IKZF5: variants seen among roughly 807,000 people sequenced by gnomAD.
The protein encoded by IKZF5 is IKAROS family zinc finger 5.
A neutral mutation model predicts 30.7 loss-of-function variants in IKZF5; 4 were observed. The observed-to-expected ratio is 0.13, with a 90% confidence interval of 0.06 to 0.30. The LOEUF (loss-of-function observed/expected upper bound fraction) is 0.30, where lower values mean the gene tolerates loss of function less well. IKZF5 is among the 10% of genes least tolerant of loss of function. The pLI is 1.00. For synonymous variants in IKZF5, 148 were observed against 179.6 expected (o/e 0.82, Z 1.41); for missense variants, 348 against 525.5 (o/e 0.66, Z 3.30).
chr10:123,000,921 G>A (rs565294158), intron 2 of IKZF5, among the ~76,000 whole-genome samples: 2 of 151,968 alleles, frequency 1.3e-5, no homozygotes, highest in Non-Finnish European at 2.9e-5. Context: ...TTCTAATATG[G>A]AAGAATGCTT....
At chr10:122,998,912 GA>G (rs1849486739) in intron 2 of IKZF5, among the ~76,000 whole-genome samples, 1 of 151,846 alleles carries the variant, frequency 6.6e-6, no homozygotes, top group Admixed American at 6.6e-5. Context: ...TTCAAAGGCA[GA>G]AAAAAAGAGA....
chr10:122,993,524 C>A lies in IKZF5; in HGVS notation c.*256G>T. On this transcript the variant is annotated 3_prime_UTR_variant, in exon 5 of 5. Transcript: ENST00000368886. ...TGAACATCTTGTAAGATTATGACTGCACTCCAATTCTCCAATGTCGAAAGG... is the reference window on the plus strand; with the variant it reads ...TGAACATCTTGTAAGATTATGACTGAACTCCAATTCTCCAATGTCGAAAGG... The A allele has an allele frequency of 3.5e-6, 1 of 286,072 alleles. No homozygotes were observed. Among genetic ancestry groups the A allele is most frequent in the Non-Finnish European group, 6.5e-6 (1 of 154,504 alleles). The allele number at this position is 286,072 out of a possible 1,614,324, so 17.7% of individuals were successfully genotyped here. A position where few individuals can be genotyped will look rare whatever the true frequency, so the allele number is the denominator to read the frequency against.
At chr10:123,004,398 G>A (rs1849707978) in intron 2 of IKZF5, among the ~76,000 whole-genome samples, 1 of 117,538 alleles carries the variant, frequency 8.5e-6, no homozygotes, top group African/African-American at 2.6e-5. Flanking sequence ...CGTTGCTACA[G>A]TACAACGTGA....
intron 2 of IKZF5, among the ~76,000 whole-genome samples, chr10:123,004,491 C>T (rs1466367726): frequency 6.6e-6 from 1 of 151,990 alleles, no homozygotes; most frequent in African/African-American, 2.4e-5. Flanking sequence ...AGTTTAAGAA[C>T]ACAAATGAGC....
rs562777033 is a variant in IKZF5, at chr10:122,996,800, G to A, written c.134-624C>T. On this transcript the variant is annotated intron_variant, in intron 3 of 4. Coordinates refer to ENST00000368886, the MANE Select transcript of IKZF5 (RefSeq NM_001372123.1). Reference sequence around the variant, plus strand: ...AGGTGAGGAGGGAGGGGAATAAAGAGATTCACTGGAGAGTGATGGCACAGT... The same window carrying A: ...AGGTGAGGAGGGAGGGGAATAAAGAAATTCACTGGAGAGTGATGGCACAGT... Among the ~76,000 whole-genome samples the A allele has an allele frequency of 2.0e-5, 3 of 152,326 alleles. No homozygotes were observed. In the South Asian group the frequency reaches 6.2e-4, roughly 32 times the overall value.
Position 122,993,655 on chromosome 10 carries a change from T to C in IKZF5, c.*125A>G, listed in dbSNP as rs1408752576. The stretch of plus-strand genomic sequence containing the variant: ...AAATTTTATTCCACTGACAAATTTA[T>C]ATTCTATAAATATAATGTATAAGCC... On this transcript the variant is annotated 3_prime_UTR_variant, in exon 5 of 5. Transcript: ENST00000368886. 1 of 566,172 alleles carries C rather than the reference T, an allele frequency of 1.8e-6. No individual in the cohort carries two copies. Among genetic ancestry groups the C allele is most frequent in the Non-Finnish European group, 3.0e-6 (1 of 338,800 alleles). The allele number at this position is 566,172 out of a possible 1,614,324, so 35.1% of individuals were successfully genotyped here.
Position 123,007,009 on chromosome 10 carries a change from A to T in IKZF5, c.-47+17T>A, listed in dbSNP as rs1365589363. On this transcript the variant is annotated intron_variant, in intron 2 of 4. Coordinates refer to ENST00000368886, the MANE Select transcript of IKZF5 (RefSeq NM_001372123.1). ...CCATGTTGAAAGAAATCCAGAAGAG[A>T]AATTATACAATCTAACCTTTTCACC... The T allele has an allele frequency of 1.3e-5, 2 of 152,236 alleles. No homozygotes were observed. The highest frequency in any genetic ancestry group is 3.8e-4 in the East Asian group (2 of 5,208). 9.4% of individuals were successfully genotyped at this position (152,236 alleles called of 1,614,324 possible).
chr10:122,998,394 A>G (rs937079693), intron 3 of IKZF5, 99 bp downstream of exon 3: 1 of 1,008,866 alleles, frequency 9.9e-7, no homozygotes, highest in African/African-American at 1.6e-5. Flanking sequence ...AAACAGAATG[A>G]TTCACATTAA....
chr10:122,999,207 G>A (rs1270106210), intron 2 of IKZF5, among the ~76,000 whole-genome samples: 1 of 152,168 alleles, frequency 6.6e-6, no homozygotes, highest in Non-Finnish European at 1.5e-5. Context: ...TGATGGACAT[G>A]TTTCTTATCT....
intron 2 of IKZF5, among the ~76,000 whole-genome samples, chr10:123,000,188 C>T (rs2133401306): frequency 6.6e-6 from 1 of 152,276 alleles, no homozygotes; most frequent in South Asian, 2.1e-4. Context: ...CAGAAGGATG[C>T]CGGCATCCCA....
In IKZF5 at chr10:122,991,572, C is replaced by T. The variant is rs992949304; in HGVS notation, c.*2208G>A. 1 of 152,060 alleles carries T rather than the reference C, an allele frequency of 6.6e-6. No homozygotes were observed. The highest frequency in any genetic ancestry group is 2.4e-5 in the African/African-American group (1 of 41,414). The allele number at this position is 152,060 out of a possible 1,614,324, so 9.4% of individuals were successfully genotyped here. On this transcript the variant is annotated 3_prime_UTR_variant, in exon 5 of 5. Coordinates refer to ENST00000368886, the MANE Select transcript of IKZF5 (RefSeq NM_001372123.1). ...ACATCTTTTCAAATACAGAATAACT[C>T]ACAGGAAATTTAAATAAAATCTAAA... is the stretch of plus-strand genomic sequence containing the variant.
At position 122,992,451 on chromosome 10, in the gene IKZF5, A is replaced by G. The variant is rs1017134028; in HGVS notation, c.*1329T>C. ...TACACAGAAAAGAAACCAAGTTAGTAACAATGTATTTTATTGTTTGACCAA... is the reference window on the plus strand; with the variant it reads ...TACACAGAAAAGAAACCAAGTTAGTGACAATGTATTTTATTGTTTGACCAA... On this transcript the variant is annotated 3_prime_UTR_variant, in exon 5 of 5. Coordinates refer to ENST00000368886, the MANE Select transcript of IKZF5 (RefSeq NM_001372123.1). 5.9e-5 allele frequency: 9 copies of G among 152,356 alleles called. No homozygotes were observed. Among genetic ancestry groups the G allele is most frequent in the African/African-American group, 2.2e-4 (9 of 41,600 alleles). The allele number at this position is 152,356 out of a possible 1,614,324, so 9.4% of individuals were successfully genotyped here. A position where few individuals can be genotyped will look rare whatever the true frequency, so the allele number is the denominator to read the frequency against.
chr10:122,995,374 T>C (rs565143021), intron 4 of IKZF5, among the ~76,000 whole-genome samples: 1 of 152,312 alleles, frequency 6.6e-6, no homozygotes, highest in East Asian at 1.9e-4. Flanking sequence ...TTTAGAGTCA[T>C]TCATCTAGTA....
chr10:123,001,999 T>A (rs1171739425), intron 2 of IKZF5, among the ~76,000 whole-genome samples: 1 of 152,206 alleles, frequency 6.6e-6, no homozygotes, highest in African/African-American at 2.4e-5. Flanking sequence ...TTACAACCAC[T>A]CAGTAACAGG....
chr10:123,003,651 G>A (rs1589722637), intron 2 of IKZF5, among the ~76,000 whole-genome samples: 1 of 152,168 alleles, frequency 6.6e-6, no homozygotes, highest in South Asian at 2.1e-4. Context: ...AATTATTTTT[G>A]TAGCAAATAG....
chr10:122,997,727 AAAAC>A (rs1470144581), intron 3 of IKZF5, among the ~76,000 whole-genome samples: 2 of 152,226 alleles, frequency 1.3e-5, no homozygotes, highest in African/African-American at 4.8e-5. Context: ...CTGTTTTAGC[AAAAC>A]AAACAAAAAC....
chr10:123,007,659 TAACAC>T (rs535693267), intron 1 of IKZF5, among the ~76,000 whole-genome samples: 24 of 152,090 alleles, frequency 1.6e-4, no homozygotes, highest in Non-Finnish European at 3.1e-4. Context: ...TATCCTATCA[TAACAC>T]AAAACAGCTA....
chr10:123,008,610 C>G (rs1849919130), intron 1 of IKZF5, 84 bp downstream of exon 1: 3 of 301,926 alleles, frequency 9.9e-6, no homozygotes, highest in South Asian at 9.1e-5. Flanking sequence ...CCGCCACGAA[C>G]CCAGCTCCAG....
chr10:122,995,681 C>T (rs1849341693), intron 4 of IKZF5, among the ~76,000 whole-genome samples: 1 of 152,148 alleles, frequency 6.6e-6, no homozygotes, highest in Non-Finnish European at 1.5e-5. Flanking sequence ...AAGATTAAAA[C>T]ATTTTATCAC....
Sources: gnomAD v4.1 joint callset for allele counts (sites outside exome capture counted in the v4.1 genomes callset) on GRCh38, gnomAD v4.1.1 for gene constraint, MANE v1.5 for transcripts, NCBI Gene and HGNC (gene_info 2026-07-23, HGNC 2026-07-21) for gene names.